Variants in USP25 observed in about 807,000 individuals in gnomAD.
USP25 encodes ubiquitin specific peptidase 25, also known as ubiquitin carboxyl-terminal hydrolase 25.
A neutral mutation model predicts 158.5 loss-of-function variants in USP25; 85 were observed. That is an observed-to-expected ratio of 0.54 (90% CI 0.45 to 0.64). The LOEUF is 0.64. Ranked by LOEUF, USP25 falls within the 30% of genes least tolerant of loss-of-function variation. The probability of loss-of-function intolerance (pLI) is 0.00; values close to 1 mark genes in which losing one functional copy is unlikely to be tolerated. For synonymous variants in USP25, 464 were observed against 460.4 expected (o/e 1.01, Z -0.10); for missense variants, 1,242 against 1,327.3 (o/e 0.94, Z 1.00).
At chr21:15,734,796 G>A (rs2031326251) in intron 1 of USP25, among the ~76,000 whole-genome samples, 1 of 152,006 alleles carries the variant, frequency 6.6e-6, no homozygotes. Context: ...AGATTTAGAT[G>A]TTGACTGTCA....
rs1202171829 is a variant in USP25, at chr21:15,846,363, T to C, written c.2338-1300T>C. ...TATTTAGTAGGGACGGATTTCGCCATGTTGGCTAGGCTGATCTCCAGCTAC... is the reference window on the plus strand; with the variant it reads ...TATTTAGTAGGGACGGATTTCGCCACGTTGGCTAGGCTGATCTCCAGCTAC... On this transcript the variant is annotated intron_variant, in intron 18 of 25. Transcript: ENST00000400183. Among the ~76,000 whole-genome samples the C allele has an allele frequency of 2.6e-5, 4 of 151,230 alleles. No homozygotes were observed. In the South Asian group the frequency reaches 6.3e-4, roughly 24 times the overall value.
chr21:15,874,434 G>C lies in USP25; in HGVS notation c.2917G>C (p.Ala973Pro). 6.2e-7 allele frequency: 1 copy of C among 1,609,732 alleles called. No individual in the cohort carries two copies. Among genetic ancestry groups the C allele is most frequent in the Non-Finnish European group, 8.5e-7 (1 of 1,177,370 alleles). Residue 973 changes from alanine to proline, a missense_variant, in exon 24 of 26, where the codon GCT becomes CCT. By Grantham distance (27) the Ala-to-Pro change is conservative. Around this residue, in one of 3 missense-constraint regions of USP25, gnomAD observed 608 missense variants for 605.2 expected, o/e 1.00. Coordinates refer to ENST00000400183, the MANE Select transcript of USP25 (RefSeq NM_001283041.3). ...YIDSLLFLIC[A>P]YQNNKELLSK... The stretch of plus-strand genomic sequence containing the variant: ...AGATTCCTTGCTGTTCCTCATCTGT[G>C]CTTATCAGAATAACAAAGAACTCTT...
chr21:15,735,986 G>GTGTA (rs2031465811), intron 1 of USP25, among the ~76,000 whole-genome samples: 1 of 151,442 alleles, frequency 6.6e-6, no homozygotes. Context: ...GTGTGTATGT[G>GTGTA]TGTGTGTGTG....
At chr21:15,847,826 A>T (rs975282920) in intron 19 of USP25, 50 bp downstream of exon 19, 1 of 1,291,742 alleles carries the variant, frequency 7.7e-7, no homozygotes, top group African/African-American at 1.5e-5. Flanking sequence ...TTGCTATTTA[A>T]TACAAATACT....
At chr21:15,817,715 A>G (rs1910173714) in intron 9 of USP25, among the ~76,000 whole-genome samples, 1 of 151,994 alleles carries the variant, frequency 6.6e-6, no homozygotes, top group South Asian at 2.1e-4. Context: ...CAAAGGGGAA[A>G]CCCCTTATAA....
At chr21:15,872,025 T>G (rs570038742) in intron 23 of USP25, among the ~76,000 whole-genome samples, 2,625 of 146,748 alleles carry the variant, frequency 0.018, 56 homozygotes, top group East Asian at 0.065. Context: ...TTTTTTTTTT[T>G]TTTTTTTTTT....
At chr21:15,823,388 A>G (rs1393876486) in intron 10 of USP25, among the ~76,000 whole-genome samples, 1 of 152,098 alleles carries the variant, frequency 6.6e-6, no homozygotes, top group Non-Finnish European at 1.5e-5. Flanking sequence ...AATTACGGCT[A>G]TACTCATTAT....
chr21:15,870,582 A>G (rs2039843689), intron 23 of USP25, among the ~76,000 whole-genome samples: 1 of 152,188 alleles, frequency 6.6e-6, no homozygotes, highest in Admixed American at 6.5e-5. Flanking sequence ...AGGAATATCT[A>G]CTTATTTAAT....
chr21:15,750,491 A>G (rs1409895295), intron 1 of USP25, among the ~76,000 whole-genome samples: 2 of 151,826 alleles, frequency 1.3e-5, no homozygotes, highest in Non-Finnish European at 2.9e-5. Flanking sequence ...AAGGCTCCCA[A>G]AGTGCTGGGA....
Position 15,831,384 on chromosome 21 carries a change from C to A in USP25, c.1765-17C>A, listed in dbSNP as rs1350788829. On this transcript the variant is annotated splice_polypyrimidine_tract_variant and intron_variant, in intron 15 of 25. Transcript: ENST00000400183. ...ACTACATAATTGCAGTTTAACTCTTCTTTTTTTCACATTTAGGTTCCTTAT... is the reference window on the plus strand; with the variant it reads ...ACTACATAATTGCAGTTTAACTCTTATTTTTTTCACATTTAGGTTCCTTAT... 2 of 1,612,048 alleles carry A rather than the reference C, an allele frequency of 1.2e-6. No homozygotes were observed. The highest frequency in any genetic ancestry group is 1.7e-6 in the Non-Finnish European group (2 of 1,178,424).
chr21:15,730,187 T>C lies in USP25; in HGVS notation c.-207T>C. The C allele has an allele frequency of 3.2e-6, 1 of 315,518 alleles. No homozygotes were observed. Among genetic ancestry groups the C allele is most frequent in the Non-Finnish European group, 4.6e-6 (1 of 218,482 alleles). The allele number at this position is 315,518 out of a possible 1,614,324, so 19.5% of individuals were successfully genotyped here. ...GCGTGGAGACGTGAGGCGGCCGCCG[T>C]GGCCCTCACAGTCGGCGTTTCGCCG... is the stretch of plus-strand genomic sequence containing the variant. On this transcript the variant is annotated 5_prime_UTR_variant, in exon 1 of 26. Transcript: ENST00000400183.
At chr21:15,862,174 G>A (rs144987019) in intron 20 of USP25, among the ~76,000 whole-genome samples, 2 of 152,150 alleles carry the variant, frequency 1.3e-5, no homozygotes, top group African/African-American at 4.8e-5. Context: ...TTGTACTAAA[G>A]TATGATATAC....
chr21:15,787,109 GAC>G (rs895879452), intron 4 of USP25, among the ~76,000 whole-genome samples: 7 of 152,030 alleles, frequency 4.6e-5, no homozygotes. Context: ...AGAAATATAA[GAC>G]ACAAACAAAT....
chr21:15,746,407 G>A (rs2032562700), intron 1 of USP25, among the ~76,000 whole-genome samples: 1 of 152,030 alleles, frequency 6.6e-6, no homozygotes, highest in Non-Finnish European at 1.5e-5. Context: ...CTTTTTTGAT[G>A]CTATTGTAAG....
chr21:15,839,717 CTTTA>C (rs2146431584), intron 17 of USP25, among the ~76,000 whole-genome samples: 1 of 152,092 alleles, frequency 6.6e-6, no homozygotes, highest in South Asian at 2.1e-4. Flanking sequence ...TTTATACGGA[CTTTA>C]TTTTATAATC....
chr21:15,761,837 C>CT (rs961178694), intron 1 of USP25, among the ~76,000 whole-genome samples: 4 of 152,162 alleles, frequency 2.6e-5, no homozygotes, highest in Non-Finnish European at 4.4e-5. Flanking sequence ...TGCTCTAAAG[C>CT]TTTTTAATAA....
chr21:15,792,481 G>A (rs1344589785), intron 5 of USP25, among the ~76,000 whole-genome samples: 2 of 151,522 alleles, frequency 1.3e-5, no homozygotes, highest in African/African-American at 4.8e-5. Flanking sequence ...TTGAATTATA[G>A]CTTATTATTT....
At chr21:15,788,389 ATCAG>A (rs558182130) in intron 4 of USP25, among the ~76,000 whole-genome samples, 75 of 152,222 alleles carry the variant, frequency 4.9e-4, no homozygotes, top group African/African-American at 1.7e-3. Context: ...GGCTTTTGCA[ATCAG>A]TCAGTCAATC....
chr21:15,786,502 A>T (rs1341887872), intron 4 of USP25, among the ~76,000 whole-genome samples: 2 of 152,166 alleles, frequency 1.3e-5, no homozygotes, highest in Non-Finnish European at 2.9e-5. Flanking sequence ...GCGATACATC[A>T]CAGTAACAAA....
Sources: allele counts gnomAD v4.1 joint callset (sites outside exome capture counted in the v4.1 genomes callset), GRCh38; gene constraint gnomAD v4.1.1; regional missense constraint gnomAD v4.1.1; transcripts MANE v1.5; gene names NCBI Gene and HGNC (gene_info 2026-07-23, HGNC 2026-07-21).